Variants in OSER1 observed in about 807,000 individuals in gnomAD.
OSER1 encodes the protein oxidative stress responsive serine rich 1, also known as oxidative stress-responsive serine-rich protein 1.
OSER1 carries 15 observed loss-of-function variants against 26.3 expected under a neutral mutation model. The ratio of observed to expected loss-of-function variants is 0.57; its 90% CI spans 0.38 to 0.88. The LOEUF is 0.88. OSER1 is among the 40% of genes least tolerant of loss of function. The pLI is 0.00. For missense variants in OSER1, 313 were observed against 353.9 expected (o/e 0.88, Z 0.93); for synonymous variants, 127 against 128.2 (o/e 0.99, Z 0.07).
Position 44,196,920 on chromosome 20 carries a change from A to T in OSER1, c.*132T>A. On this transcript the variant is annotated 3_prime_UTR_variant, in exon 4 of 4. Transcript: ENST00000255174. ...ATGAAGATTAACTGAGATGCCAAGA[A>T]AAGTTTTTATTGCAAGCACAGTGAG... 1 of 643,964 alleles carries T rather than the reference A, an allele frequency of 1.6e-6. No individual in the cohort carries two copies. The highest frequency in any genetic ancestry group is 2.6e-5 in the East Asian group (1 of 37,856). 39.9% of individuals were successfully genotyped at this position (643,964 alleles called of 1,614,324 possible). A position where few individuals can be genotyped will look rare whatever the true frequency, so the allele number is the denominator to read the frequency against.
In OSER1 at chr20:44,197,258, G is replaced by C. The variant is rs760429928; in HGVS notation, c.673C>G (p.Pro225Ala). 6.2e-7 allele frequency: 1 copy of C among 1,613,482 alleles called. No individual in the cohort carries two copies. Among genetic ancestry groups the C allele is most frequent in the East Asian group, 2.2e-5 (1 of 44,836 alleles). Residue 225 changes from proline (P) to alanine (A), a missense_variant, in exon 4 of 4, where the codon CCC (proline) becomes GCC (alanine). By Grantham distance (27) the Pro-to-Ala change is conservative. Transcript: ENST00000255174. ...YSFSGLQSVPPLAPERRSTLE... is the reference protein window; with the variant it reads ...YSFSGLQSVPALAPERRSTLE... Reference sequence around the variant, plus strand: ...GTGGATCTTCGTTCTGGAGCCAAGGGAGGGACACTCTGCAGGCCTGAAAAG... The same window carrying C: ...GTGGATCTTCGTTCTGGAGCCAAGGCAGGGACACTCTGCAGGCCTGAAAAG...
At chr20:44,200,927 TAAGAG>T (rs1352832590) in intron 3 of OSER1, among the ~76,000 whole-genome samples, 1 of 152,250 alleles carries the variant, frequency 6.6e-6, no homozygotes, top group Non-Finnish European at 1.5e-5. Context: ...ATTTAAGTGC[TAAGAG>T]AAAATAACTG....
intron 2 of OSER1, 126 bp downstream of exon 2, chr20:44,206,755 C>A: frequency 1.8e-6 from 1 of 561,118 alleles, no homozygotes; most frequent in Non-Finnish European, 3.2e-6. Context: ...GAATGTCGCA[C>A]TATTAGCATT....
intron 1 of OSER1, among the ~76,000 whole-genome samples, chr20:44,209,376 G>A (rs1224282589): frequency 2.0e-5 from 3 of 152,134 alleles, no homozygotes; most frequent in African/African-American, 4.8e-5. Flanking sequence ...ATAACCTTAA[G>A]AGCTAGAGAA....
intron 1 of OSER1, among the ~76,000 whole-genome samples, chr20:44,208,717 C>T (rs1007125): frequency 0.23 from 35,590 of 152,004 alleles, 6,128 homozygotes; most frequent in African/African-American, 0.48. Flanking sequence ...GTAAACAAAT[C>T]CTTCCTGCTG....
chr20:44,197,295 C>T lies in OSER1; in HGVS notation c.636G>A (p.Met212Ile), dbSNP rs147626769. 1 of 1,614,192 alleles carries T rather than the reference C, an allele frequency of 6.2e-7. No individual in the cohort carries two copies. The highest frequency in any genetic ancestry group is 8.5e-7 in the Non-Finnish European group (1 of 1,179,994). The change falls in exon 4 of 4, where the codon ATG (methionine) becomes ATA (isoleucine). Residue 212 changes from methionine (M) to isoleucine (I), a missense_variant. By Grantham distance (10) the Met-to-Ile change is conservative. Around this residue, in one of 2 missense-constraint regions of OSER1, gnomAD observed 300 missense variants for 318.3 expected, o/e 0.94. Coordinates refer to ENST00000255174, the MANE Select transcript of OSER1 (RefSeq NM_016470.8). Reference sequence around the variant, plus strand: ...GCAGGCCTGAAAAGGAATACACTTCCATATCATGCCATCTCTTACACTGGC... The same window carrying T: ...GCAGGCCTGAAAAGGAATACACTTCTATATCATGCCATCTCTTACACTGGC... ...KECQCKRWHD[M>I]EVYSFSGLQS...
At chr20:44,198,510 T>C (rs1261748501) in intron 3 of OSER1, among the ~76,000 whole-genome samples, 2 of 151,946 alleles carry the variant, frequency 1.3e-5, no homozygotes, top group Admixed American at 6.6e-5. Flanking sequence ...TCCCAGATAC[T>C]TGGGAGGCTG....
chr20:44,205,939 C>CAAAA (rs3037684), intron 2 of OSER1, among the ~76,000 whole-genome samples: 2 of 71,702 alleles, frequency 2.8e-5, no homozygotes, highest in Non-Finnish European at 5.2e-5. Flanking sequence ...GAATCCGTCT[C>CAAAA]AAAAAAAAAA....
At position 44,206,948 on chromosome 20, in the gene OSER1, C is replaced by G. The variant is rs765994337; in HGVS notation, c.10G>C (p.Glu4Gln). 6.2e-7 allele frequency: 1 copy of G among 1,607,806 alleles called. No homozygotes were observed. Among genetic ancestry groups the G allele is most frequent in the East Asian group, 2.2e-5 (1 of 44,798 alleles). Residue 4 changes from glutamate (E) to glutamine (Q), a missense_variant, in exon 2 of 4, where the codon GAA becomes CAA. Around this residue, in one of 2 missense-constraint regions of OSER1, gnomAD observed 300 missense variants for 318.3 expected, o/e 0.94. Transcript: ENST00000255174. MKS[E>Q]AKDGEEESLQ... The stretch of plus-strand genomic sequence containing the variant: ...CTCTCCTCCTCTCCATCCTTGGCTT[C>G]GGATTTCATTGTGCAAGTTTTTACA...
At position 44,197,393 on chromosome 20, in the gene OSER1, T is replaced by C. The variant is rs1252325275; in HGVS notation, c.538A>G (p.Ser180Gly). Residue 180 changes from serine (S) to glycine (G), a missense_variant, in exon 4 of 4, where the codon AGT becomes GGT. Ser to Gly is a moderately conservative substitution (Grantham distance 56). Coordinates refer to ENST00000255174, the MANE Select transcript of OSER1 (RefSeq NM_016470.8). ...TQVPQASLKA[S>G]DLSDFQSVSK... ...ACTGATTGAAAGTCAGAGAGATCAC[T>C]GGCTTTGAGACTTGCTTGGGGGACT... is the stretch of plus-strand genomic sequence containing the variant. 1 of 1,614,230 alleles carries C rather than the reference T, an allele frequency of 6.2e-7. No individual in the cohort carries two copies.
upstream of OSER1, among the ~76,000 whole-genome samples, chr20:44,211,660 T>G (rs2073111652): frequency 6.6e-6 from 1 of 152,206 alleles, no homozygotes; most frequent in Non-Finnish European, 1.5e-5. Context: ...TTAGGATTCT[T>G]TACATTTTTC....
At chr20:44,198,636 T>TA (rs1555865631) in intron 3 of OSER1, among the ~76,000 whole-genome samples, 10 of 148,538 alleles carry the variant, frequency 6.7e-5, no homozygotes, top group South Asian at 2.1e-4. Flanking sequence ...AATAAATAAA[T>TA]AAATAAAATA....
At chr20:44,210,360 G>GA (rs1317940470) in intron 1 of OSER1, among the ~76,000 whole-genome samples, 3 of 152,222 alleles carry the variant, frequency 2.0e-5, no homozygotes, top group Non-Finnish European at 4.4e-5. Context: ...TCCGAGGCGA[G>GA]AGAGAAAGGA....
intron 3 of OSER1, among the ~76,000 whole-genome samples, chr20:44,198,447 G>A (rs1307006865): frequency 3.9e-5 from 6 of 151,912 alleles, no homozygotes; most frequent in Non-Finnish European, 5.9e-5. Context: ...GTGAAACCCC[G>A]TCTCTACTAA....
intron 2 of OSER1, among the ~76,000 whole-genome samples, chr20:44,204,771 C>A (rs748896358): frequency 7.2e-5 from 11 of 152,068 alleles, no homozygotes; most frequent in African/African-American, 1.7e-4. Context: ...TAATTTTTGA[C>A]CATATATTTT....
chr20:44,210,101 C>T (rs2073083905), intron 1 of OSER1: 1 of 152,392 alleles, frequency 6.6e-6, no homozygotes, highest in South Asian at 2.1e-4. Context: ...CTGTGCCTGT[C>T]GCGGTTAAAC....
Position 44,197,514 on chromosome 20 carries a change from A to G in OSER1, c.417T>C (p.Asp139=), listed in dbSNP as rs747801529. The G allele has an allele frequency of 3.1e-6, 5 of 1,614,078 alleles. No individual in the cohort carries two copies. In the African/African-American group the frequency reaches 4.0e-5, roughly 13 times the overall value. The change falls in exon 4 of 4, where the codon GAT becomes GAC. Residue 139 remains aspartate, a synonymous_variant. Transcript: ENST00000255174. ...FSAGESSTSL[D]ANHTGAVVEP... ...CAACGACTGCCCCTGTGTGATTAGC[A>G]TCGAGAGAAGTAGAGCTTTCTCCTG...
At chr20:44,198,491 C>G (rs762745567) in intron 3 of OSER1, among the ~76,000 whole-genome samples, 17 of 152,088 alleles carry the variant, frequency 1.1e-4, no homozygotes, top group Admixed American at 6.5e-4. Flanking sequence ...TGGTGGTGGG[C>G]GCCTGTAGTC....
At position 44,197,514 on chromosome 20, in the gene OSER1, A is replaced by T. The variant is rs747801529; in HGVS notation, c.417T>A (p.Asp139Glu). The T allele has an allele frequency of 4.9e-5, 79 of 1,614,078 alleles. No homozygotes were observed. The Middle Eastern group carries it at 4.9e-4, about 10-fold the overall frequency. ...CAACGACTGCCCCTGTGTGATTAGCATCGAGAGAAGTAGAGCTTTCTCCTG... is the reference window on the plus strand; with the variant it reads ...CAACGACTGCCCCTGTGTGATTAGCTTCGAGAGAAGTAGAGCTTTCTCCTG... ...FSAGESSTSLDANHTGAVVEP... is the reference protein window; with the variant it reads ...FSAGESSTSLEANHTGAVVEP... Residue 139 changes from aspartate (D) to glutamate (E), a missense_variant, in exon 4 of 4, where the codon GAT (aspartate) becomes GAA (glutamate). Around this residue, in one of 2 missense-constraint regions of OSER1, gnomAD observed 300 missense variants for 318.3 expected, o/e 0.94. Coordinates refer to ENST00000255174, the MANE Select transcript of OSER1 (RefSeq NM_016470.8).
Sources: gnomAD v4.1 joint callset for allele counts (sites outside exome capture counted in the v4.1 genomes callset) on GRCh38, gnomAD v4.1.1 for gene constraint, gnomAD v4.1.1 regional missense constraint, MANE v1.5 for transcripts, NCBI Gene and HGNC (gene_info 2026-07-23, HGNC 2026-07-21) for gene names.